Variants in GLIS3 observed in about 807,000 individuals in gnomAD.
The protein encoded by GLIS3 is zinc finger protein GLIS3.
A neutral mutation model predicts 78.6 loss-of-function variants in GLIS3; 53 were observed. The ratio of observed to expected loss-of-function variants is 0.67; its 90% CI spans 0.54 to 0.85. The LOEUF is 0.85. GLIS3 is among the 40% of genes least tolerant of loss of function. The pLI, the probability that GLIS3 is intolerant of heterozygous loss-of-function variation, is 0.00. For synonymous variants in GLIS3, 684 were observed against 509.9 expected (o/e 1.34, Z -4.60); for missense variants, 1,703 against 1,231.1 (o/e 1.38, Z -5.74).
chr9:4,147,228 T>C (rs766273086), intron 2 of GLIS3: 4 of 152,264 alleles, frequency 2.6e-5, no homozygotes, highest in Admixed American at 2.0e-4. Flanking sequence ...TTCCTTCACG[T>C]ACCTCCATTC....
intron 2 of GLIS3, among the ~76,000 whole-genome samples, chr9:4,139,911 T>C (rs1833681409): frequency 6.6e-6 from 1 of 152,190 alleles, no homozygotes; most frequent in Non-Finnish European, 1.5e-5. Flanking sequence ...CACTGACCCA[T>C]ACAGGTCCAC....
At chr9:3,857,775 T>G (rs1259485167) in intron 8 of GLIS3, among the ~76,000 whole-genome samples, 15 of 152,206 alleles carry the variant, frequency 9.9e-5, no homozygotes. Context: ...ATCTGCTGAA[T>G]AGCTTGAGAG....
chr9:3,985,663 A>G (rs895080759), intron 4 of GLIS3, among the ~76,000 whole-genome samples: 35 of 152,358 alleles, frequency 2.3e-4, no homozygotes, highest in African/African-American at 8.4e-4. Flanking sequence ...GTCAATTAGT[A>G]ATAGGAAGAG....
chr9:4,117,603 C>T (rs1831760203), intron 4 of GLIS3, among the ~76,000 whole-genome samples, 165 bp downstream of exon 4: 1 of 152,102 alleles, frequency 6.6e-6, no homozygotes, highest in Admixed American at 6.5e-5. Flanking sequence ...AGCCACTAAC[C>T]ATGAAAGAAA....
intron 4 of GLIS3, among the ~76,000 whole-genome samples, chr9:4,059,342 T>G (rs1826427650): frequency 6.6e-6 from 1 of 152,206 alleles, no homozygotes; most frequent in Admixed American, 6.5e-5. Context: ...ACACTCCTGG[T>G]TTTTGGCACC....
intron 6 of GLIS3, among the ~76,000 whole-genome samples, chr9:3,914,557 T>C (rs1338513829): frequency 6.6e-6 from 1 of 152,202 alleles, no homozygotes; most frequent in African/African-American, 2.4e-5. Flanking sequence ...TCTTGGGATA[T>C]GTAAATGAGC....
At chr9:4,479,908 T>TC in the GLIS3 span, among the ~76,000 whole-genome samples, 1 of 143,646 alleles carries the variant, frequency 7.0e-6, no homozygotes, top group South Asian at 2.3e-4. Context: ...CTTCTTCTTT[T>TC]TTTTTTTTTT....
At chr9:3,850,053 C>T (rs1563774006) in intron 9 of GLIS3, among the ~76,000 whole-genome samples, 4 of 152,202 alleles carry the variant, frequency 2.6e-5, no homozygotes, top group Admixed American at 1.3e-4. Flanking sequence ...TTTGAGAAAT[C>T]TAAAATTGGG....
At chr9:3,843,633 T>C (rs1478479713) in intron 9 of GLIS3, among the ~76,000 whole-genome samples, 1 of 152,182 alleles carries the variant, frequency 6.6e-6, no homozygotes, top group Non-Finnish European at 1.5e-5. Context: ...CTGATAAAAA[T>C]TATGTATGTA....
chr9:4,022,569 C>A (rs1822978783), intron 4 of GLIS3, among the ~76,000 whole-genome samples: 4 of 152,152 alleles, frequency 2.6e-5, no homozygotes, highest in Admixed American at 6.5e-5. Context: ...CCATCTCATT[C>A]CTAGTAATTT....
intron 1 of GLIS3, among the ~76,000 whole-genome samples, chr9:4,291,232 C>T (rs930243089): frequency 6.6e-5 from 10 of 151,970 alleles, no homozygotes; most frequent in South Asian, 2.1e-4. Context: ...ACCAATAAGA[C>T]GAAATAAAAG....
At chr9:4,158,842 G>A (rs774676346) in intron 2 of GLIS3, among the ~76,000 whole-genome samples, 1 of 152,128 alleles carries the variant, frequency 6.6e-6, no homozygotes, top group Non-Finnish European at 1.5e-5. Context: ...TAAAATAGAT[G>A]AGATGGGAGG....
chr9:4,024,035 CA>C (rs111949985), intron 4 of GLIS3, among the ~76,000 whole-genome samples: 8,420 of 143,778 alleles, frequency 0.059, 575 homozygotes, highest in African/African-American at 0.17. Context: ...CAAAAAAAAA[CA>C]AAAAAAAAAA....
At chr9:4,093,677 G>A (rs919972713) in intron 4 of GLIS3, among the ~76,000 whole-genome samples, 6 of 152,178 alleles carry the variant, frequency 3.9e-5, no homozygotes, top group African/African-American at 9.7e-5. Flanking sequence ...CACAGGACAA[G>A]GCACCTTCAG....
At chr9:4,312,818 C>T (rs1205263873) in intron 2 of GLIS3, among the ~76,000 whole-genome samples, 1 of 152,222 alleles carries the variant, frequency 6.6e-6, no homozygotes, top group Non-Finnish European at 1.5e-5. Flanking sequence ...CTCTGCTCCT[C>T]AGTTTACTCA....
the GLIS3 span, among the ~76,000 whole-genome samples, chr9:4,429,820 G>A: frequency 6.6e-6 from 1 of 152,110 alleles, no homozygotes; most frequent in East Asian, 1.9e-4. Flanking sequence ...TGATGCAGTG[G>A]CCCTACAGGA....
At chr9:3,878,538 C>G (rs1295863480) in intron 8 of GLIS3, 8 of 152,190 alleles carry the variant, frequency 5.3e-5, no homozygotes, top group African/African-American at 1.9e-4. Context: ...CCAGTAATCT[C>G]TAAGTTACAA....
chr9:4,279,360 C>T (rs1281929709), intron 2 of GLIS3, among the ~76,000 whole-genome samples: 1 of 48,940 alleles, frequency 2.0e-5, no homozygotes, highest in Non-Finnish European at 4.7e-5. Flanking sequence ...CACACACACA[C>T]ACATAATACA....
rs540715871 is a variant in GLIS3 at position 4,112,570 on chromosome 9, G to A, written c.1710+5198C>T. Among the ~76,000 whole-genome samples the A allele has an allele frequency of 2.6e-5, 4 of 152,252 alleles. No individual in the cohort carries two copies. In the East Asian group the frequency reaches 7.7e-4, roughly 29 times the overall value. On this transcript the variant is annotated intron_variant, in intron 4 of 10. Coordinates refer to ENST00000381971, the MANE Select transcript of GLIS3 (RefSeq NM_001042413.2). The stretch of plus-strand genomic sequence containing the variant: ...ATTTTGAAGATGGGACCCAGGTACG[G>A]GTACTTCGGATGATTCCAGTGTCAG...
Sources: allele counts gnomAD v4.1 joint callset (sites outside exome capture counted in the v4.1 genomes callset), GRCh38; gene constraint gnomAD v4.1.1; transcripts MANE v1.5; gene names NCBI Gene and HGNC (gene_info 2026-07-23, HGNC 2026-07-21).